SENP7: variants seen among roughly 807,000 people sequenced by gnomAD.
The protein encoded by SENP7 is SUMO specific peptidase 7, also known as sentrin-specific protease 7.
A neutral mutation model predicts 141.2 loss-of-function variants in SENP7; 64 were observed. The ratio of observed to expected loss-of-function variants is 0.45; its 90% CI spans 0.37 to 0.56. SENP7 has a LOEUF of 0.56. SENP7 is among the 20% of genes least tolerant of loss of function. SENP7 has a pLI of 0.00. For missense variants in SENP7, 1,025 were observed against 1,212.2 expected (o/e 0.85, Z 2.29); for synonymous variants, 382 against 426.4 (o/e 0.90, Z 1.28).
chr3:101,337,260 C>T (rs190328302), intron 17 of SENP7: 4 of 251,970 alleles, frequency 1.6e-5, no homozygotes, highest in African/African-American at 4.5e-5. Context: ...TCTTCCTTGC[C>T]CTCCAACTTC....
chr3:101,427,490 CAAAAAAAA>C (rs55677738), intron 4 of SENP7, among the ~76,000 whole-genome samples: 1 of 101,018 alleles, frequency 9.9e-6, no homozygotes, highest in Non-Finnish European at 1.9e-5. Flanking sequence ...ACACTGTCTC[CAAAAAAAA>C]AAAAAAAAAA....
chr3:101,384,851 G>T (rs531067766), intron 6 of SENP7, among the ~76,000 whole-genome samples: 10 of 152,258 alleles, frequency 6.6e-5, no homozygotes, highest in African/African-American at 2.4e-4. Context: ...AGCTTCCTGA[G>T]GTCTCCCCAG....
chr3:101,357,854 A>G, intron 11 of SENP7: 1 of 559,444 alleles, frequency 1.8e-6, no homozygotes. Flanking sequence ...ACAGATGTGA[A>G]GAATCTGGCA....
At chr3:101,501,865 T>C (rs1448610389) in intron 1 of SENP7, among the ~76,000 whole-genome samples, 3 of 152,180 alleles carry the variant, frequency 2.0e-5, no homozygotes, top group Non-Finnish European at 4.4e-5. Context: ...TTATGACAAA[T>C]GCACGACTGC....
At chr3:101,352,617 GT>G (rs1408291981) in intron 11 of SENP7, among the ~76,000 whole-genome samples, 2 of 152,082 alleles carry the variant, frequency 1.3e-5, no homozygotes, top group Admixed American at 1.3e-4. Context: ...CTGCTTTGAA[GT>G]TTGTGTTTCC....
intron 13 of SENP7, 41 bp downstream of exon 13, chr3:101,347,831 T>C (rs1420589439): frequency 9.6e-7 from 1 of 1,040,684 alleles, no homozygotes; most frequent in South Asian, 2.9e-5. Flanking sequence ...TTTATGACAA[T>C]TTCAAGTTAT....
At chr3:101,408,701 A>C (rs1204952982) in intron 5 of SENP7, among the ~76,000 whole-genome samples, 1 of 152,218 alleles carries the variant, frequency 6.6e-6, no homozygotes, top group African/African-American at 2.4e-5. Context: ...ACCTCAATCG[A>C]TGCAGAAAAA....
chr3:101,463,376 T>TATATATATATATATATATAC (rs2063629775), intron 3 of SENP7, among the ~76,000 whole-genome samples: 5 of 85,274 alleles, frequency 5.9e-5, no homozygotes, highest in Non-Finnish European at 1.1e-4. Context: ...TATATATATA[T>TATATATATATATATATATAC]ATATATATAT....
At chr3:101,444,181 A>T (rs948087972) in intron 4 of SENP7, among the ~76,000 whole-genome samples, 9 of 129,182 alleles carry the variant, frequency 7.0e-5, no homozygotes, top group Non-Finnish European at 1.4e-4. Flanking sequence ...GCAAATCAAA[A>T]CCACAGTGAG....
At chr3:101,382,887 G>A (rs1307075986) in intron 6 of SENP7, among the ~76,000 whole-genome samples, 1 of 152,138 alleles carries the variant, frequency 6.6e-6, no homozygotes, top group East Asian at 1.9e-4. Flanking sequence ...TAAAGAAAGT[G>A]TAGTATAGCA....
At position 101,510,079 on chromosome 3, in the gene SENP7, G is replaced by C. The variant is rs192962213; in HGVS notation, c.40+3012C>G. On this transcript the variant is annotated intron_variant, in intron 1 of 23. Coordinates refer to ENST00000394095, the MANE Select transcript of SENP7 (RefSeq NM_020654.5). ...AAATTTACTTGACGTTTCCTATTTT[G>C]ATTCAAAAATTCACTTGAAAATTGC... Among the ~76,000 whole-genome samples, 3 of 152,142 alleles carry C rather than the reference G, an allele frequency of 2.0e-5. No individual in the cohort carries two copies. In the South Asian group the frequency reaches 6.2e-4, roughly 31 times the overall value.
chr3:101,354,752 C>A (rs1285639619), intron 11 of SENP7, among the ~76,000 whole-genome samples: 1 of 152,116 alleles, frequency 6.6e-6, no homozygotes, highest in African/African-American at 2.4e-5. Flanking sequence ...GGGTATAATA[C>A]CAGTAATGGG....
intron 3 of SENP7, among the ~76,000 whole-genome samples, chr3:101,480,067 T>C (rs1223872741): frequency 1.3e-5 from 2 of 152,002 alleles, no homozygotes; most frequent in East Asian, 3.9e-4. Flanking sequence ...GCTTATGAAC[T>C]GGAAGAATTC....
At chr3:101,412,362 T>A (rs1002832779) in intron 5 of SENP7, among the ~76,000 whole-genome samples, 3 of 152,076 alleles carry the variant, frequency 2.0e-5, no homozygotes, top group South Asian at 2.1e-4. Flanking sequence ...TATAAAAAAT[T>A]TAATCTTTGA....
intron 4 of SENP7, among the ~76,000 whole-genome samples, chr3:101,454,777 A>C (rs1453644670): frequency 6.6e-6 from 1 of 152,202 alleles, no homozygotes; most frequent in African/African-American, 2.4e-5. Context: ...GTCTATATGA[A>C]ATGTCCAAAA....
chr3:101,413,605 G>A (rs990867556), intron 5 of SENP7, among the ~76,000 whole-genome samples: 1 of 151,178 alleles, frequency 6.6e-6, no homozygotes, highest in African/African-American at 2.4e-5. Flanking sequence ...GGGAGGAAGA[G>A]AACTAAAAAT....
chr3:101,407,087 C>T (rs1360934278), intron 5 of SENP7, among the ~76,000 whole-genome samples: 1 of 152,146 alleles, frequency 6.6e-6, no homozygotes, highest in Non-Finnish European at 1.5e-5. Flanking sequence ...TAAAACAAAT[C>T]CTAGAAACAC....
intron 3 of SENP7, among the ~76,000 whole-genome samples, chr3:101,478,296 C>T (rs927294672): frequency 6.6e-6 from 1 of 152,056 alleles, no homozygotes; most frequent in African/African-American, 2.4e-5. Flanking sequence ...GTTGGGAGGA[C>T]TGCTTGAGTC....
rs768510681 is a variant in SENP7 at position 101,351,651 on chromosome 3, T to C, written c.1624A>G (p.Ile542Val). The C allele has an allele frequency of 7.4e-7, 1 of 1,348,260 alleles. No homozygotes were observed. Among genetic ancestry groups the C allele is most frequent in the Non-Finnish European group, 9.7e-7 (1 of 1,030,222 alleles). The allele number at this position is 1,348,260 out of a possible 1,614,324, so 83.5% of individuals were successfully genotyped here. A position where few individuals can be genotyped will look rare whatever the true frequency, so the allele number is the denominator to read the frequency against. The change falls in exon 12 of 24, where the codon ATC becomes GTC. Residue 542 changes from isoleucine (I) to valine (V), a missense_variant and splice_region_variant. Physicochemically the swap from Ile to Val is conservative, Grantham distance 29. This residue lies in a region of SENP7 where 228 missense variants were observed against 228.5 expected (regional missense o/e 1.00). Transcript: ENST00000394095. The part of the protein sequence containing the change: ...IKGASKGCVT[I>V]TKKYIKIPFQ... ...GGGATCTTAATATATTTTTTTGTGA[T>C]CTGAAGAAAAAATTAAAAAGCAAAC... is the stretch of plus-strand genomic sequence containing the variant.
Sources: allele counts gnomAD v4.1 joint callset (sites outside exome capture counted in the v4.1 genomes callset), GRCh38; gene constraint gnomAD v4.1.1; regional missense constraint gnomAD v4.1.1; transcripts MANE v1.5; gene names NCBI Gene and HGNC (gene_info 2026-07-23, HGNC 2026-07-21).